GOLT1A: variants seen among roughly 807,000 people sequenced by gnomAD.
GOLT1A encodes the protein golgi transport 1A.
GOLT1A carries 10 observed loss-of-function variants against 16.1 expected under a neutral mutation model. That is an observed-to-expected ratio of 0.62 (90% confidence interval 0.38 to 1.05). The LOEUF is 1.05. GOLT1A is among the 50% of genes least tolerant of loss of function. The pLI, the probability that GOLT1A is intolerant of heterozygous loss-of-function variation, is 0.01. For missense variants in GOLT1A, 137 were observed against 165.7 expected (o/e 0.83, Z 0.95); for synonymous variants, 60 against 67.9 (o/e 0.88, Z 0.57).
intron 1 of GOLT1A, among the ~76,000 whole-genome samples, chr1:204,209,047 C>G (rs953187125): frequency 1.3e-5 from 2 of 152,144 alleles, no homozygotes; most frequent in Non-Finnish European, 2.9e-5. Context: ...TCTCTTTAAA[C>G]TCTTCTGTCT....
intron 1 of GOLT1A, among the ~76,000 whole-genome samples, chr1:204,203,929 G>C (rs1553234247): frequency 6.6e-6 from 1 of 152,150 alleles, no homozygotes. Context: ...TAGAAGTGCA[G>C]GACATGAAGG....
intron 1 of GOLT1A, among the ~76,000 whole-genome samples, chr1:204,211,787 G>T (rs768213622): frequency 2.0e-5 from 3 of 152,128 alleles, no homozygotes. Context: ...GGGGACATCT[G>T]GCAATGTTTG....
intron 1 of GOLT1A, among the ~76,000 whole-genome samples, chr1:204,209,043 T>C (rs1291256211): frequency 6.6e-6 from 1 of 152,230 alleles, no homozygotes; most frequent in East Asian, 1.9e-4. Context: ...CATGTCTCTT[T>C]AAACTCTTCT....
chr1:204,202,752 G>A, intron 2 of GOLT1A, 144 bp downstream of exon 2: 2 of 661,702 alleles, frequency 3.0e-6, no homozygotes, highest in South Asian at 1.9e-5. Flanking sequence ...GATAGGCATG[G>A]TCTGAATAAA....
intron 1 of GOLT1A, among the ~76,000 whole-genome samples, chr1:204,206,668 C>G (rs967018482): frequency 6.6e-6 from 1 of 152,276 alleles, no homozygotes; most frequent in Non-Finnish European, 1.5e-5. Flanking sequence ...TTTCCTCCCC[C>G]TCAGTAGGTG....
chr1:204,202,773 A>T, intron 2 of GOLT1A, 123 bp downstream of exon 2: 1 of 738,316 alleles, frequency 1.4e-6, no homozygotes, highest in Non-Finnish European at 2.4e-6. Context: ...CTTGGGATTT[A>T]CTTAAGGGAT....
chr1:204,213,813 G>C (rs1659174971), intron 1 of GOLT1A, 69 bp downstream of exon 1: 1 of 1,556,924 alleles, frequency 6.4e-7, no homozygotes. Context: ...GAGCCCAGCT[G>C]GGAGAGAGAG....
intron 1 of GOLT1A, among the ~76,000 whole-genome samples, chr1:204,210,435 G>C (rs1659121252): frequency 1.3e-5 from 2 of 151,814 alleles, no homozygotes; most frequent in South Asian, 4.2e-4. Context: ...TTTTAATTTT[G>C]TCTTAAAGCT....
At chr1:204,199,147 C>T (rs1658910912) in intron 4 of GOLT1A, 48 bp downstream of exon 4, 1 of 1,504,262 alleles carries the variant, frequency 6.6e-7, no homozygotes, top group Non-Finnish European at 9.1e-7. Flanking sequence ...TGTGCTCCCC[C>T]TCACTCCCCA....
intron 2 of GOLT1A, among the ~76,000 whole-genome samples, chr1:204,202,425 CCA>C (rs1158709279): frequency 6.6e-6 from 1 of 151,960 alleles, no homozygotes; most frequent in Non-Finnish European, 1.5e-5. Context: ...TTATTCACCT[CCA>C]CACCCATTTC....
Position 204,202,968 on chromosome 1 carries a change from G to C in GOLT1A, c.45C>G (p.Thr15=). The C allele has an allele frequency of 1.9e-6, 3 of 1,613,662 alleles. No homozygotes were observed. The highest frequency in any genetic ancestry group is 2.5e-6 in the Non-Finnish European group (3 of 1,179,724). Residue 15 remains threonine (T), a synonymous_variant, in exon 2 of 5, where the codon ACC becomes ACG. Transcript: ENST00000308302. ...AGAGGATGAAGAAGATGCCGAAACC[G>C]GTGATCCCCACACCAATCTCTGCAA... ...TEWQKIGVGI[T]GFGIFFILFG... is the part of the protein sequence containing the mutation.
chr1:204,201,746 T>C lies in GOLT1A; in HGVS notation c.183A>G (p.Gln61=). 1.2e-6 allele frequency: 2 copies of C among 1,614,084 alleles called. No homozygotes were observed. The highest frequency in any genetic ancestry group is 1.7e-6 in the Non-Finnish European group (2 of 1,180,026). ...GLRKTFWFFF[Q]RHKLKGTSFL... is the part of the protein sequence containing the mutation. ...AGCTGGTTCCCTTGAGTTTGTGCCGTTGGAAGAAGAACCAAAAGGTCTTCC... is the reference window on the plus strand; with the variant it reads ...AGCTGGTTCCCTTGAGTTTGTGCCGCTGGAAGAAGAACCAAAAGGTCTTCC... Residue 61 remains glutamine (Q), a synonymous_variant, in exon 3 of 5, where the codon CAA becomes CAG. Transcript: ENST00000308302.
intron 2 of GOLT1A, among the ~76,000 whole-genome samples, chr1:204,202,202 G>C (rs1658974920): frequency 6.6e-6 from 1 of 151,682 alleles, no homozygotes; most frequent in Non-Finnish European, 1.5e-5. Context: ...AAGTCACACA[G>C]AACCTTCAGA....
chr1:204,198,318 C>T lies in GOLT1A; in HGVS notation c.*140G>A. The T allele has an allele frequency of 1.3e-6, 1 of 775,508 alleles. No individual in the cohort carries two copies. Among genetic ancestry groups the T allele is most frequent in the Non-Finnish European group, 2.1e-6 (1 of 470,938 alleles). The allele number at this position is 775,508 out of a possible 1,614,324, so 48.0% of individuals were successfully genotyped here. A position where few individuals can be genotyped will look rare whatever the true frequency, so the allele number is the denominator to read the frequency against. ...TGGGGATTTGACGTCAGTTGCTCAGCTCCATTCCTTCCTTCTGGACTTGGG... is the reference window on the plus strand; with the variant it reads ...TGGGGATTTGACGTCAGTTGCTCAGTTCCATTCCTTCCTTCTGGACTTGGG... On this transcript the variant is annotated 3_prime_UTR_variant, in exon 5 of 5. Transcript: ENST00000308302.
rs761496640 is a variant in GOLT1A at position 204,199,310 on chromosome 1, A to C, written c.297-52T>G. 1.1e-5 allele frequency: 16 copies of C among 1,450,288 alleles called. No homozygotes were observed. In the East Asian group the frequency reaches 3.7e-4, roughly 34 times the overall value. 89.8% of individuals were successfully genotyped at this position (1,450,288 alleles called of 1,614,324 possible). On this transcript the variant is annotated intron_variant, in intron 3 of 4. Coordinates refer to ENST00000308302, the MANE Select transcript of GOLT1A (RefSeq NM_198447.2). The stretch of plus-strand genomic sequence containing the variant: ...GTCAGTGATGGCCCAGGAAGAGAGG[A>C]TAGAGGGCACGAGGCTGAGGTCCAC...
chr1:204,205,729 A>G (rs951548962), intron 1 of GOLT1A, among the ~76,000 whole-genome samples: 1 of 152,194 alleles, frequency 6.6e-6, no homozygotes, highest in African/African-American at 2.4e-5. Context: ...ATCAATTCCA[A>G]TACAGAAAAA....
At chr1:204,211,987 A>G (rs552806101) in intron 1 of GOLT1A, among the ~76,000 whole-genome samples, 1 of 152,224 alleles carries the variant, frequency 6.6e-6, no homozygotes, top group Admixed American at 6.5e-5. Context: ...ATGGATGCTC[A>G]TAGTCCTAAA....
intron 1 of GOLT1A, among the ~76,000 whole-genome samples, chr1:204,209,779 G>A (rs1345571450): frequency 6.6e-6 from 1 of 152,220 alleles, no homozygotes; most frequent in Non-Finnish European, 1.5e-5. Context: ...TTTTGGGCAG[G>A]CACGGTGGTT....
In GOLT1A at chr1:204,201,664, G is replaced by A. The variant is rs771635385; in HGVS notation, c.265C>T (p.Leu89=). The A allele has an allele frequency of 6.2e-7, 1 of 1,614,128 alleles. No individual in the cohort carries two copies. The highest frequency in any genetic ancestry group is 1.1e-5 in the South Asian group (1 of 91,080). Residue 89 remains leucine (L), a synonymous_variant, in exon 3 of 5, where the codon CTG becomes TTG. Coordinates refer to ENST00000308302, the MANE Select transcript of GOLT1A (RefSeq NM_198447.2). ...AGGCTGAAGAATCCGTAGGTTTCCA[G>A]GAACATGCCGAGGAGGGGCCAGCGT... ...LLRWPLLGMF[L]ETYGFFSLFK... is the part of the protein sequence containing the mutation.
Sources: allele counts gnomAD v4.1 joint callset (sites outside exome capture counted in the v4.1 genomes callset), GRCh38; gene constraint gnomAD v4.1.1; transcripts MANE v1.5; gene names NCBI Gene and HGNC (gene_info 2026-07-23, HGNC 2026-07-21).